LRRC37A2: variants seen among roughly 807,000 people sequenced by gnomAD.
The protein encoded by LRRC37A2 is leucine-rich repeat-containing protein 37A2.
LRRC37A2 carries 9 observed loss-of-function variants against 68.8 expected under a neutral mutation model. The ratio of observed to expected loss-of-function variants is 0.13; its 90% confidence interval spans 0.08 to 0.23. The LOEUF (loss-of-function observed/expected upper bound fraction) is 0.23, where lower values mean the gene tolerates loss of function less well. LRRC37A2 is among the 10% of genes least tolerant of loss of function. The probability of loss-of-function intolerance (pLI) is 1.00; values close to 1 mark genes in which losing one functional copy is unlikely to be tolerated. For missense variants in LRRC37A2, 168 were observed against 950.4 expected (o/e 0.18, Z 10.82); for synonymous variants, 63 against 367.6 (o/e 0.17, Z 9.48).
At chr17:46,801,999 A>C in the LRRC37A2 span, among the ~76,000 whole-genome samples, 9 of 152,130 alleles carry the variant, frequency 5.9e-5, no homozygotes, top group Admixed American at 2.6e-4. Context: ...CAAACTGTTA[A>C]ACATAAGATA....
chr17:47,014,131 C>A, the LRRC37A2 span, among the ~76,000 whole-genome samples: 6 of 151,302 alleles, frequency 4.0e-5, no homozygotes, highest in Non-Finnish European at 8.8e-5. Context: ...GTGGCTCATG[C>A]CTGTAATCCC....
the LRRC37A2 span, chr17:46,930,972 A>G: frequency 1.5e-6 from 1 of 687,032 alleles, no homozygotes; most frequent in Non-Finnish European, 2.6e-6. Flanking sequence ...TAGTGTATAC[A>G]TTTTTCTCCT....
At chr17:46,769,315 CAA>C in the LRRC37A2 span, among the ~76,000 whole-genome samples, 65 of 102,814 alleles carry the variant, frequency 6.3e-4, no homozygotes, top group Admixed American at 8.1e-4. Flanking sequence ...GACTCCGTCT[CAA>C]AAAAAAAAAA....
At chr17:46,995,891 C>T in the LRRC37A2 span, among the ~76,000 whole-genome samples, 1 of 152,186 alleles carries the variant, frequency 6.6e-6, no homozygotes, top group Non-Finnish European at 1.5e-5. Context: ...GAGGAGGGGC[C>T]TGGCCTGCTC....
the LRRC37A2 span, chr17:46,940,267 C>T: frequency 8.4e-6 from 12 of 1,424,956 alleles, no homozygotes; most frequent in East Asian, 3.0e-4. Flanking sequence ...TGGAGGAGAT[C>T]TCCATTGTTC....
the LRRC37A2 span, among the ~76,000 whole-genome samples, chr17:46,712,766 A>G: frequency 6.6e-6 from 1 of 152,192 alleles, no homozygotes; most frequent in Non-Finnish European, 1.5e-5. Flanking sequence ...ACACGTAAGG[A>G]CTAAACAGAG....
chr17:46,817,091 C>T, the LRRC37A2 span, among the ~76,000 whole-genome samples: 1 of 152,186 alleles, frequency 6.6e-6, no homozygotes, highest in Non-Finnish European at 1.5e-5. Flanking sequence ...TCCTAGCACC[C>T]TCTAAACAGA....
At chr17:46,537,366 A>G (rs1454737167) in intron 6 of LRRC37A2, among the ~76,000 whole-genome samples, 69 of 550 alleles carry the variant, frequency 0.13, 5 homozygotes, top group African/African-American at 0.25. Flanking sequence ...ACGGGGTTTC[A>G]CTTTGTTAGC....
At chr17:47,014,880 CTT>C in the LRRC37A2 span, among the ~76,000 whole-genome samples, 1 of 151,958 alleles carries the variant, frequency 6.6e-6, no homozygotes, top group Non-Finnish European at 1.5e-5. Flanking sequence ...TGCCGAAGAT[CTT>C]TCTGTCAATC....
At chr17:46,900,180 T>C in the LRRC37A2 span, among the ~76,000 whole-genome samples, 61 of 117,222 alleles carry the variant, frequency 5.2e-4, 1 homozygote, top group African/African-American at 2.7e-3. Context: ...TATATATATA[T>C]ATATATATAT....
At chr17:46,938,615 T>C in the LRRC37A2 span, 13 of 1,613,890 alleles carry the variant, frequency 8.1e-6, no homozygotes, top group Non-Finnish European at 1.1e-5. Flanking sequence ...CAGAAGAAGA[T>C]CCTTGACATT....
the LRRC37A2 span, among the ~76,000 whole-genome samples, chr17:46,676,378 A>G: frequency 7.4e-6 from 1 of 135,166 alleles, no homozygotes; most frequent in Non-Finnish European, 1.5e-5. Flanking sequence ...GATTACAGGC[A>G]TGCACCACCA....
At chr17:46,910,206 C>G in the LRRC37A2 span, 2 of 152,222 alleles carry the variant, frequency 1.3e-5, no homozygotes, top group African/African-American at 4.8e-5. Context: ...CTCAATACCC[C>G]CATCTCCCAC....
the LRRC37A2 span, among the ~76,000 whole-genome samples, chr17:46,992,787 A>G: frequency 7.7e-6 from 1 of 129,464 alleles, no homozygotes; most frequent in Non-Finnish European, 1.6e-5. Flanking sequence ...TGGGAGATAG[A>G]GTTTGCAGTG....
the LRRC37A2 span, among the ~76,000 whole-genome samples, chr17:46,710,097 A>G: frequency 6.6e-6 from 1 of 152,228 alleles, no homozygotes; most frequent in Non-Finnish European, 1.5e-5. Context: ...TCAGGTAATC[A>G]AAAGTTGAAT....
the LRRC37A2 span, among the ~76,000 whole-genome samples, chr17:46,758,568 A>G: frequency 6.6e-6 from 1 of 152,228 alleles, no homozygotes; most frequent in African/African-American, 2.4e-5. Context: ...ACCTCAAAAG[A>G]GGAGGTTATT....
At chr17:46,787,917 C>G in the LRRC37A2 span, among the ~76,000 whole-genome samples, 1 of 150,426 alleles carries the variant, frequency 6.6e-6, no homozygotes, top group African/African-American at 2.5e-5. Flanking sequence ...GATTGTGCCA[C>G]TGCACTCCAG....
the LRRC37A2 span, chr17:46,998,750 T>TG: frequency 1.2e-4 from 18 of 152,254 alleles, no homozygotes; most frequent in Non-Finnish European, 4.4e-5. Context: ...GTGAGTTCCC[T>TG]GGCCATCCAT....
chr17:46,929,841 C>CCAT, the LRRC37A2 span: 1 of 482,652 alleles, frequency 2.1e-6, no homozygotes, highest in East Asian at 3.8e-5. Flanking sequence ...GCGCTTGCCT[C>CCAT]CATCTATCTT....
Sources: gnomAD v4.1 joint callset for allele counts (sites outside exome capture counted in the v4.1 genomes callset) on GRCh38, gnomAD v4.1.1 for gene constraint, MANE v1.5 for transcripts, NCBI Gene and HGNC (gene_info 2026-07-23, HGNC 2026-07-21) for gene names.